Variants in ACSS3 observed in about 807,000 individuals in gnomAD.
ACSS3 encodes acyl-CoA synthetase short chain family member 3.
ACSS3 carries 64 observed loss-of-function variants against 84.2 expected under a neutral mutation model. The ratio of observed to expected loss-of-function variants is 0.76; its 90% CI spans 0.62 to 0.94. The LOEUF (loss-of-function observed/expected upper bound fraction) is 0.94, where lower values mean the gene tolerates loss of function less well. Ranked by LOEUF, ACSS3 falls within the 40% of genes least tolerant of loss-of-function variation. The pLI is 0.00. For missense variants in ACSS3, 815 were observed against 867.6 expected, an observed-to-expected ratio of 0.94 and a Z score of 0.76; for synonymous variants, 317 against 310.1, an observed-to-expected ratio of 1.02 and a Z score of -0.23.
chr12:81,151,359 T>G (rs537468190), intron 5 of ACSS3, among the ~76,000 whole-genome samples: 1 of 152,316 alleles, frequency 6.6e-6, no homozygotes, highest in African/African-American at 2.4e-5. Context: ...AGTGAAGCGT[T>G]GTAATGAGAT....
At chr12:81,096,907 T>C (rs1258573483) in intron 1 of ACSS3, among the ~76,000 whole-genome samples, 5 of 152,160 alleles carry the variant, frequency 3.3e-5, no homozygotes, top group Admixed American at 2.0e-4. Context: ...TCTTTTCTAT[T>C]GTGAAAAGTG....
At chr12:81,231,264 T>C in intron 12 of ACSS3, 126 bp downstream of exon 12, 1 of 691,790 alleles carries the variant, frequency 1.4e-6, no homozygotes, top group South Asian at 2.1e-5. Flanking sequence ...TCTGGACCAG[T>C]TTCCAGCTCC....
At chr12:81,206,304 CAA>C (rs1374142050) in intron 9 of ACSS3, among the ~76,000 whole-genome samples, 1 of 151,966 alleles carries the variant, frequency 6.6e-6, no homozygotes, top group East Asian at 1.9e-4. Context: ...CTGTAGAACT[CAA>C]AGAGTTGGGT....
intron 10 of ACSS3, among the ~76,000 whole-genome samples, chr12:81,219,208 T>C (rs1218832932): frequency 6.6e-6 from 1 of 152,144 alleles, no homozygotes; most frequent in Non-Finnish European, 1.5e-5. Context: ...AAATTAGCCA[T>C]GGCCTCCGTG....
intron 5 of ACSS3, among the ~76,000 whole-genome samples, chr12:81,150,136 A>G (rs1886538970): frequency 6.6e-6 from 1 of 152,182 alleles, no homozygotes; most frequent in Non-Finnish European, 1.5e-5. Context: ...TAGTCAATGC[A>G]TCTTACCCTC....
chr12:81,195,595 G>T (rs1018638440), intron 8 of ACSS3, among the ~76,000 whole-genome samples: 14 of 150,534 alleles, frequency 9.3e-5, no homozygotes, highest in Admixed American at 2.7e-4. Flanking sequence ...AAATTGTGTG[G>T]TTTTTTTTTC....
intron 12 of ACSS3, among the ~76,000 whole-genome samples, chr12:81,231,784 G>A (rs2033474151): frequency 6.6e-6 from 1 of 151,734 alleles, no homozygotes; most frequent in East Asian, 1.9e-4. Flanking sequence ...GGTGATGTGT[G>A]TTATGTTTAT....
Position 81,145,753 on chromosome 12 carries a change from G to A in ACSS3, c.921+2506G>A, listed in dbSNP as rs544034795. 1.1e-4 allele frequency among the ~76,000 whole-genome samples: 16 copies of A among 152,246 alleles called. 1 individual carries two copies. The highest frequency in any genetic ancestry group is 3.9e-4 in the African/African-American group (16 of 41,524). The stretch of plus-strand genomic sequence containing the variant: ...TAAAAGTCTTTGACATACTCATCAT[G>A]ATGTGTCTTCAGGACATTTAACATG... On this transcript the variant is annotated intron_variant, in intron 5 of 15. Coordinates refer to ENST00000548058, the MANE Select transcript of ACSS3 (RefSeq NM_024560.4).
At chr12:81,120,334 TG>T (rs2121532980) in intron 2 of ACSS3, among the ~76,000 whole-genome samples, 1 of 152,178 alleles carries the variant, frequency 6.6e-6, no homozygotes, top group East Asian at 1.9e-4. Context: ...AGAAAAAAAA[TG>T]TCCTTACAAG....
chr12:81,208,843 C>G (rs1199685300), intron 9 of ACSS3, among the ~76,000 whole-genome samples: 4 of 152,150 alleles, frequency 2.6e-5, no homozygotes, highest in Admixed American at 2.0e-4. Context: ...GGTCTAACTT[C>G]TGAACCTTTA....
intron 9 of ACSS3, among the ~76,000 whole-genome samples, chr12:81,205,375 C>T (rs759923913): frequency 1.3e-5 from 2 of 152,004 alleles, no homozygotes; most frequent in African/African-American, 2.4e-5. Flanking sequence ...CAAAAGTTGA[C>T]GAGGTTGATC....
chr12:81,196,603 G>C (rs1167384556), intron 8 of ACSS3, among the ~76,000 whole-genome samples: 1 of 152,010 alleles, frequency 6.6e-6, no homozygotes, highest in Non-Finnish European at 1.5e-5. Flanking sequence ...TTGTTGTAAA[G>C]GAATACCTGA....
At chr12:81,202,511 G>A (rs1174564480) in intron 9 of ACSS3, among the ~76,000 whole-genome samples, 1 of 152,068 alleles carries the variant, frequency 6.6e-6, no homozygotes, top group Non-Finnish European at 1.5e-5. Context: ...AGTATGCTAG[G>A]AAACACATGT....
chr12:81,079,570 T>G lies in ACSS3; in HGVS notation c.311+1139T>G, dbSNP rs12303989. 6.2e-3 allele frequency among the ~76,000 whole-genome samples: 950 copies of G among 152,284 alleles called. 10 individuals carry two copies. The highest frequency in any genetic ancestry group is 0.022 in the African/African-American group (913 of 41,556). ...GTGTGGGGATGACATGGTGTTCCCT[T>G]TAGAATCTGAGCACCTTGCCCCTTC... On this transcript the variant is annotated intron_variant, in intron 1 of 15. Transcript: ENST00000548058.
chr12:81,135,288 ATATAT>A (rs949870935), intron 3 of ACSS3, among the ~76,000 whole-genome samples: 3 of 145,176 alleles, frequency 2.1e-5, no homozygotes, highest in Non-Finnish European at 4.5e-5. Context: ...AATATATTAT[ATATAT>A]TATAATATAT....
At chr12:81,222,542 A>G (rs2033145334) in intron 11 of ACSS3, among the ~76,000 whole-genome samples, 1 of 152,128 alleles carries the variant, frequency 6.6e-6, no homozygotes, top group African/African-American at 2.4e-5. Context: ...TATGTGTAGG[A>G]TGTTTTTATA....
chr12:81,118,962 G>A (rs967966553), intron 2 of ACSS3, among the ~76,000 whole-genome samples: 3 of 152,178 alleles, frequency 2.0e-5, no homozygotes, highest in Non-Finnish European at 2.9e-5. Context: ...GGCCACAGCA[G>A]TTCAGAGAAG....
At chr12:81,078,492 C>T (rs1017856318) in intron 1 of ACSS3, 61 bp downstream of exon 1, 6 of 1,573,800 alleles carry the variant, frequency 3.8e-6, no homozygotes, top group Non-Finnish European at 5.2e-6. Context: ...GGCGCCAGGA[C>T]CTCCCTGGGA....
At chr12:81,177,400 A>G (rs1262059556) in intron 8 of ACSS3, among the ~76,000 whole-genome samples, 1 of 152,198 alleles carries the variant, frequency 6.6e-6, no homozygotes, top group Non-Finnish European at 1.5e-5. Context: ...ATGATTCTAT[A>G]CTTAGAAAAC....
Sources: gnomAD v4.1 joint callset for allele counts (sites outside exome capture counted in the v4.1 genomes callset) on GRCh38, gnomAD v4.1.1 for gene constraint, MANE v1.5 for transcripts, NCBI Gene and HGNC (gene_info 2026-07-23, HGNC 2026-07-21) for gene names.